PCDHA6: variants seen among roughly 807,000 people sequenced by gnomAD.
PCDHA6 encodes protocadherin alpha 6, also known as protocadherin alpha-6.
A neutral mutation model predicts 60.3 loss-of-function variants in PCDHA6; 55 were observed. The observed-to-expected ratio is 0.91, with a 90% CI of 0.73 to 1.14. The LOEUF is 1.14. Ranked by LOEUF, PCDHA6 falls within the 50% of genes most tolerant of loss-of-function variation. The pLI, the probability that PCDHA6 is intolerant of heterozygous loss-of-function variation, is 0.00. For missense variants in PCDHA6, 1,327 were observed against 1,256.5 expected (o/e 1.06, Z -0.85); for synonymous variants, 652 against 557.9 (o/e 1.17, Z -2.38).
chr5:140,870,256 A>G, intron 1 of PCDHA6: 1 of 1,614,168 alleles, frequency 6.2e-7, no homozygotes, highest in Non-Finnish European at 8.5e-7. Flanking sequence ...CGGACAGGTG[A>G]CCTGCTCGCT....
At chr5:140,966,454 C>T (rs897696652) in intron 1 of PCDHA6, 6 of 426,406 alleles carry the variant, frequency 1.4e-5, no homozygotes, top group Admixed American at 4.4e-5. Flanking sequence ...TCCCCCTCCC[C>T]CTCTGTCTTC....
intron 1 of PCDHA6, among the ~76,000 whole-genome samples, chr5:140,891,205 A>G (rs561238636): frequency 3.3e-5 from 5 of 152,120 alleles, no homozygotes; most frequent in African/African-American, 1.2e-4. Context: ...CAGTTTTACC[A>G]TGCTGTGTCT....
intron 1 of PCDHA6, chr5:140,858,049 G>C (rs181372488): frequency 6.3e-7 from 1 of 1,597,448 alleles, no homozygotes. Flanking sequence ...TGCTTGTGTC[G>C]CTTGTGGAGG....
At chr5:140,875,476 G>T in intron 1 of PCDHA6, 1 of 1,610,156 alleles carries the variant, frequency 6.2e-7, no homozygotes, top group South Asian at 1.1e-5. Flanking sequence ...TTCTGCAATG[G>T]TGATTATCGG....
At chr5:140,891,454 A>C (rs1562858065) in intron 1 of PCDHA6, among the ~76,000 whole-genome samples, 1 of 145,650 alleles carries the variant, frequency 6.9e-6, no homozygotes, top group East Asian at 2.1e-4. Context: ...AGGATTTTTG[A>C]ATTTGTGAAT....
intron 1 of PCDHA6, among the ~76,000 whole-genome samples, chr5:140,922,082 G>A (rs2080612980): frequency 6.6e-6 from 1 of 151,908 alleles, no homozygotes. Context: ...AGCAAAAAGT[G>A]GTATTTCTAC....
intron 1 of PCDHA6, chr5:140,842,575 G>A (rs2150339697): frequency 6.6e-7 from 1 of 1,509,128 alleles, no homozygotes; most frequent in South Asian, 1.2e-5. Flanking sequence ...GCGAGAGAGT[G>A]TCGGCCTATG....
At chr5:140,914,578 A>T (rs1858296) in intron 1 of PCDHA6, among the ~76,000 whole-genome samples, 49,681 of 151,930 alleles carry the variant, frequency 0.33, 8,403 homozygotes, top group East Asian at 0.53. Flanking sequence ...ACATTCAATA[A>T]TTTCATTTAA....
chr5:140,941,259 T>TTC (rs1340815463), intron 1 of PCDHA6, among the ~76,000 whole-genome samples: 28 of 121,830 alleles, frequency 2.3e-4, no homozygotes, highest in East Asian at 1.1e-3. Flanking sequence ...TTCTTTCTCT[T>TTC]TCTTTCTTTC....
Position 140,830,197 on chromosome 5 carries a change from C to G in PCDHA6, c.2106C>G (p.Ile702Met), listed in dbSNP as rs2150182627. The stretch of plus-strand genomic sequence containing the variant: ...TGGATGTCAACGTGTACCTGATCAT[C>G]GCCATCTGCGCGGTATCCAGCCTGC... ...ALVDVNVYLI[I>M]AICAVSSLLV... The change falls in exon 1 of 4, where the codon ATC (isoleucine) becomes ATG (methionine). Residue 702 changes from isoleucine to methionine, a missense_variant. Transcript: ENST00000529310. 1.2e-6 allele frequency: 2 copies of G among 1,613,722 alleles called. No homozygotes were observed. Among genetic ancestry groups the G allele is most frequent in the African/African-American group, 2.7e-5 (2 of 75,050 alleles).
intron 1 of PCDHA6, among the ~76,000 whole-genome samples, chr5:140,976,568 TA>T (rs2096723296): frequency 6.6e-6 from 1 of 152,050 alleles, no homozygotes; most frequent in Non-Finnish European, 1.5e-5. Context: ...AATAAATAAA[TA>T]TAAATAAAAC....
chr5:140,845,503 C>A lies in PCDHA6; in HGVS notation c.2394+15018C>A, dbSNP rs1485886785. On this transcript the variant is annotated intron_variant, in intron 1 of 3. Transcript: ENST00000529310. ...TGCTTTCACAGTGAGAAAGTCTAAA[C>A]CTATTTCTTGTACATTAATACTTTT... Among the ~76,000 whole-genome samples the A allele has an allele frequency of 3.3e-5, 5 of 149,694 alleles. No homozygotes were observed. In the South Asian group the frequency reaches 8.5e-4, roughly 25 times the overall value.
At chr5:140,882,601 C>G (rs1322989069) in intron 1 of PCDHA6, 1 of 1,614,144 alleles carries the variant, frequency 6.2e-7, no homozygotes, top group Admixed American at 1.7e-5. Flanking sequence ...TGATCGTGGA[C>G]AGGCCTCTGC....
intron 3 of PCDHA6, among the ~76,000 whole-genome samples, chr5:140,990,585 T>C (rs2097401437): frequency 6.6e-6 from 1 of 152,204 alleles, no homozygotes; most frequent in Non-Finnish European, 1.5e-5. Flanking sequence ...TCTTTTCCTA[T>C]AATCACCTGG....
In PCDHA6 at chr5:140,843,447, G is replaced by T. The variant is rs2150360204; in HGVS notation, c.2394+12962G>T. The stretch of plus-strand genomic sequence containing the variant: ...ATCATCGCCATCTGCGCGGTATCCA[G>T]CCTGCTGGTGCTCACGCTGCTGCTG... On this transcript the variant is annotated intron_variant, in intron 1 of 3. Coordinates refer to ENST00000529310, the MANE Select transcript of PCDHA6 (RefSeq NM_018909.4). 44 of 1,596,056 alleles carry T rather than the reference G, an allele frequency of 2.8e-5. 4 individuals carry two copies. The highest frequency in any genetic ancestry group is 3.3e-4 in the Middle Eastern group (2 of 6,002).
intron 1 of PCDHA6, chr5:140,966,455 C>T (rs376758355): frequency 4.7e-6 from 2 of 426,810 alleles, no homozygotes; most frequent in East Asian, 3.5e-5. Flanking sequence ...CCCCCTCCCC[C>T]TCTGTCTTCC....
rs1296767379 is a variant in PCDHA6 at position 140,898,372 on chromosome 5, T to C, written c.2394+67887T>C. ...ATCTTGAATTAATTTTTGTATAAGG[T>C]GTAAGGAAGGGATCCAGTTTCAGCT... On this transcript the variant is annotated intron_variant, in intron 1 of 3. Coordinates refer to ENST00000529310, the MANE Select transcript of PCDHA6 (RefSeq NM_018909.4). Among the ~76,000 whole-genome samples, 5 of 152,320 alleles carry C rather than the reference T, an allele frequency of 3.3e-5. No individual in the cohort carries two copies. In the East Asian group the frequency reaches 9.6e-4, roughly 29 times the overall value.
At chr5:140,946,152 G>T (rs1279401608) in intron 1 of PCDHA6, among the ~76,000 whole-genome samples, 1 of 151,750 alleles carries the variant, frequency 6.6e-6, no homozygotes, top group Non-Finnish European at 1.5e-5. Flanking sequence ...CAAATAACAC[G>T]ATTTAAAAGA....
chr5:140,869,250 G>C (rs371660992), intron 1 of PCDHA6: 4 of 1,613,636 alleles, frequency 2.5e-6, no homozygotes, highest in East Asian at 2.2e-5. Flanking sequence ...GCCGCATCGC[G>C]CAGGACCTGG....
Sources: allele counts gnomAD v4.1 joint callset (sites outside exome capture counted in the v4.1 genomes callset), GRCh38; gene constraint gnomAD v4.1.1; transcripts MANE v1.5; gene names NCBI Gene and HGNC (gene_info 2026-07-23, HGNC 2026-07-21).